Variants in FMN1 observed in about 807,000 individuals in gnomAD.
FMN1 encodes the protein formin 1.
Under a neutral mutation model 132.4 loss-of-function variants are expected in FMN1, and 110 were observed. The ratio of observed to expected loss-of-function variants is 0.83; its 90% confidence interval spans 0.71 to 0.97. The LOEUF is 0.97. FMN1 is among the 50% of genes least tolerant of loss of function. FMN1 has a pLI of 0.00. For missense variants in FMN1, 1,792 were observed against 1,705.3 expected, an observed-to-expected ratio of 1.05 and a Z score of -0.90; for synonymous variants, 722 against 651.7, an observed-to-expected ratio of 1.11 and a Z score of -1.64.
At chr15:32,937,278 A>C (rs577030804) in intron 9 of FMN1, among the ~76,000 whole-genome samples, 2 of 152,364 alleles carry the variant, frequency 1.3e-5, no homozygotes, top group Non-Finnish European at 2.9e-5. Flanking sequence ...AACATTAGAC[A>C]TAAGATCCAG....
chr15:33,182,101 A>C (rs1965725710), intron 2 of FMN1, among the ~76,000 whole-genome samples: 1 of 152,132 alleles, frequency 6.6e-6, no homozygotes, highest in African/African-American at 2.4e-5. Flanking sequence ...GCCAGTCGGG[A>C]GGTTAGTGTA....
rs5811736 is a variant in FMN1 at position 33,120,621 on chromosome 15, C to CTTCT, written c.1868-31648_1868-31647insAGAA. Reference sequence around the variant, plus strand: ...GTGATACCAAGATACTGTTCGGCAGCTTTTGTTGTCTTTTCGTGTTCTGGT... The same window carrying CTTCT: ...GTGATACCAAGATACTGTTCGGCAGCTTCTTTTTGTTGTCTTTTCGTGTTCTGGT... On this transcript the variant is annotated intron_variant, in intron 4 of 20. Transcript: ENST00000616417. Among the ~76,000 whole-genome samples the CTTCT allele has an allele frequency of 2.2e-3, 329 of 151,886 alleles. 2 individuals carry two copies. The highest frequency in any genetic ancestry group is 7.7e-3 in the African/African-American group (318 of 41,418).
At chr15:32,847,077 A>G in intron 17 of FMN1, among the ~76,000 whole-genome samples, 1 of 152,192 alleles carries the variant, frequency 6.6e-6, no homozygotes, top group East Asian at 1.9e-4. Context: ...TCATCAAACT[A>G]TCTTGGATTC....
intron 12 of FMN1, among the ~76,000 whole-genome samples, chr15:32,906,790 G>A (rs937924430): frequency 6.6e-6 from 1 of 152,168 alleles, no homozygotes; most frequent in African/African-American, 2.4e-5. Flanking sequence ...GGTAAGGAAG[G>A]TGTCTCAAGT....
intron 10 of FMN1, among the ~76,000 whole-genome samples, chr15:32,917,916 AATTTC>A (rs1401906467): frequency 1.3e-5 from 2 of 152,184 alleles, no homozygotes; most frequent in East Asian, 3.8e-4. Context: ...ATGTTATGAA[AATTTC>A]ATTTATTTAG....
intron 15 of FMN1, among the ~76,000 whole-genome samples, chr15:32,894,357 A>G (rs2060103404): frequency 6.6e-6 from 1 of 151,982 alleles, no homozygotes; most frequent in African/African-American, 2.4e-5. Flanking sequence ...GGTGGTGCAC[A>G]CCTGTAGTCC....
intron 6 of FMN1, among the ~76,000 whole-genome samples, chr15:33,031,912 T>C (rs1566846743): frequency 6.6e-6 from 1 of 152,260 alleles, no homozygotes; most frequent in East Asian, 1.9e-4. Context: ...GTATCAATTT[T>C]TTGTCTACTT....
intron 17 of FMN1, among the ~76,000 whole-genome samples, chr15:32,844,248 T>C (rs2058809441): frequency 6.6e-6 from 1 of 152,182 alleles, no homozygotes; most frequent in African/African-American, 2.4e-5. Context: ...GTTCACTATC[T>C]TTTTCCATCA....
chr15:32,795,650 C>CT (rs1235681144), intron 19 of FMN1, among the ~76,000 whole-genome samples: 1 of 151,592 alleles, frequency 6.6e-6, no homozygotes, highest in South Asian at 2.1e-4. Context: ...GTCTCCAGGT[C>CT]TTTTTTTACA....
chr15:33,017,138 TAA>T (rs112219032), intron 6 of FMN1, among the ~76,000 whole-genome samples: 1 of 147,036 alleles, frequency 6.8e-6, no homozygotes, highest in African/African-American at 2.5e-5. Context: ...AAGCATAATT[TAA>T]AAAAAAAAAA....
At chr15:32,961,403 G>T (rs553401074) in intron 9 of FMN1, among the ~76,000 whole-genome samples, 78 of 152,220 alleles carry the variant, frequency 5.1e-4, no homozygotes, top group African/African-American at 1.8e-3. Flanking sequence ...CAAAGTGCTA[G>T]GATTATAGGC....
At position 32,908,466 on chromosome 15, in the gene FMN1, C is replaced by T. The variant is rs373378817; in HGVS notation, c.3377+24G>A. 27 of 1,524,970 alleles carry T rather than the reference C, an allele frequency of 1.8e-5. No homozygotes were observed. The African/African-American group carries it at 2.9e-4, about 16-fold the overall frequency. The allele number at this position is 1,524,970 out of a possible 1,614,324, so 94.5% of individuals were successfully genotyped here. On this transcript the variant is annotated intron_variant, in intron 12 of 20. Coordinates refer to ENST00000616417, the MANE Select transcript of FMN1 (RefSeq NM_001277313.2). ...AATTGCAGTTCTCCTTTTGGCCTAA[C>T]AGAAAAATGTTAAGTATCCTTACTG...
chr15:33,099,320 C>A (rs548011064), intron 4 of FMN1, among the ~76,000 whole-genome samples: 1 of 152,150 alleles, frequency 6.6e-6, no homozygotes, highest in South Asian at 2.1e-4. Flanking sequence ...TAAACTCTTT[C>A]GAGTGTACTG....
At chr15:32,965,785 A>G (rs1195121567) in intron 8 of FMN1, among the ~76,000 whole-genome samples, 1 of 152,194 alleles carries the variant, frequency 6.6e-6, no homozygotes, top group Admixed American at 6.5e-5. Context: ...TAATAGTATG[A>G]CATATGGAAG....
At chr15:32,883,601 C>T (rs895907774) in intron 16 of FMN1, among the ~76,000 whole-genome samples, 1 of 150,606 alleles carries the variant, frequency 6.6e-6, no homozygotes, top group African/African-American at 2.4e-5. Context: ...GTCAGACCTG[C>T]CCTCCCCTAC....
chr15:33,177,275 C>T lies in FMN1; in HGVS notation c.-132+2923G>A, dbSNP rs111487058. Among the ~76,000 whole-genome samples, 984 of 152,210 alleles carry T rather than the reference C, an allele frequency of 6.5e-3. 8 individuals carry two copies. Among genetic ancestry groups the T allele is most frequent in the African/African-American group, 0.023 (944 of 41,524 alleles). ...CAATAGGTCTTATTCAGAAAACAGG[C>T]CTACTCATTTACTAATTCCTCTTCT... On this transcript the variant is annotated intron_variant, in intron 3 of 20. Coordinates refer to ENST00000616417, the MANE Select transcript of FMN1 (RefSeq NM_001277313.2).
At chr15:32,778,183 T>C (rs1184829813) in intron 19 of FMN1, among the ~76,000 whole-genome samples, 1 of 107,190 alleles carries the variant, frequency 9.3e-6, no homozygotes. Context: ...TACATTTATT[T>C]ATATATTATA....
At chr15:33,039,044 T>C (rs1472054734) in intron 6 of FMN1, among the ~76,000 whole-genome samples, 2 of 152,116 alleles carry the variant, frequency 1.3e-5, no homozygotes, top group Non-Finnish European at 2.9e-5. Flanking sequence ...GTTTCCCCAC[T>C]GAAGACTGAG....
intron 6 of FMN1, among the ~76,000 whole-genome samples, chr15:33,059,501 C>T (rs1001273444): frequency 2.0e-5 from 3 of 152,112 alleles, no homozygotes; most frequent in Admixed American, 6.5e-5. Flanking sequence ...TACTAATTTA[C>T]GTTCCCACAA....
Sources: gnomAD v4.1 joint callset for allele counts (sites outside exome capture counted in the v4.1 genomes callset) on GRCh38, gnomAD v4.1.1 for gene constraint, MANE v1.5 for transcripts, NCBI Gene and HGNC (gene_info 2026-07-23, HGNC 2026-07-21) for gene names.